ETV6: variants seen among roughly 807,000 people sequenced by gnomAD.
ETV6 encodes the protein ETS variant transcription factor 6.
In ETV6, 16 loss-of-function variants were observed where a neutral mutation model predicts 51.1. The ratio of observed to expected loss-of-function variants is 0.31; its 90% CI spans 0.21 to 0.48. The LOEUF (loss-of-function observed/expected upper bound fraction) is 0.48. Among genes scored for constraint, ETV6 ranks in the 20% least tolerant of loss-of-function variants. ETV6 has a pLI of 0.99. For synonymous variants in ETV6, 240 were observed against 224.1 expected (o/e 1.07, Z -0.64); for missense variants, 458 against 594.8 (o/e 0.77, Z 2.39).
chr12:11,751,775 C>T lies in ETV6; in HGVS notation c.34-675C>T, dbSNP rs542176241. 34 of 461,496 alleles carry T rather than the reference C, an allele frequency of 7.4e-5. No homozygotes were observed. The East Asian group carries it at 9.7e-4, about 13-fold the overall frequency. 28.6% of individuals were successfully genotyped at this position (461,496 alleles called of 1,614,324 possible). On this transcript the variant is annotated intron_variant, in intron 1 of 7. Coordinates refer to ENST00000396373, the MANE Select transcript of ETV6 (RefSeq NM_001987.5). ...AATACTTCAGAGGGAAAGGAAATAT[C>T]GATTCTGAGATGGAGAGTAAAAGAA... is the stretch of plus-strand genomic sequence containing the variant.
At chr12:11,872,198 G>A (rs1007159260) in intron 5 of ETV6, among the ~76,000 whole-genome samples, 1 of 152,212 alleles carries the variant, frequency 6.6e-6, no homozygotes, top group Non-Finnish European at 1.5e-5. Flanking sequence ...AGAGGAAACT[G>A]AGCCCCAGAG....
At chr12:11,687,839 A>C (rs555289322) in intron 1 of ETV6, among the ~76,000 whole-genome samples, 1 of 152,348 alleles carries the variant, frequency 6.6e-6, no homozygotes, top group Admixed American at 6.5e-5. Context: ...ATATGTACTA[A>C]AGGAGTTTAA....
intron 2 of ETV6, among the ~76,000 whole-genome samples, chr12:11,838,413 G>A (rs1021963067): frequency 6.6e-6 from 1 of 152,128 alleles, no homozygotes; most frequent in Admixed American, 6.5e-5. Context: ...CTCAGCCCCT[G>A]CTCTGTACCC....
intron 2 of ETV6, among the ~76,000 whole-genome samples, chr12:11,756,997 T>C (rs1244539051): frequency 2.0e-5 from 3 of 152,342 alleles, no homozygotes; most frequent in South Asian, 4.1e-4. Flanking sequence ...CATTTGGCCT[T>C]CTAAAATCCC....
chr12:11,738,327 TTA>T (rs1555121503), intron 1 of ETV6, among the ~76,000 whole-genome samples: 2,851 of 129,586 alleles, frequency 0.022, 88 homozygotes, highest in South Asian at 0.071. Context: ...TTTTTTTTTT[TTA>T]AATTTGAGAC....
chr12:11,749,290 CACA>C (rs1865970734), intron 1 of ETV6, among the ~76,000 whole-genome samples: 1 of 5,060 alleles, frequency 2.0e-4, no homozygotes, highest in African/African-American at 5.4e-4. Flanking sequence ...CCCCCCCATA[CACA>C]CACACACACA....
chr12:11,700,813 C>T (rs963511706), intron 1 of ETV6, among the ~76,000 whole-genome samples: 15 of 152,014 alleles, frequency 9.9e-5, no homozygotes, highest in Admixed American at 3.9e-4. Context: ...GCGGAGGAGG[C>T]GGGAGGAAAG....
chr12:11,886,008 G>A lies in ETV6; in HGVS notation c.1235G>A (p.Gly412Glu). The change falls in exon 7 of 8, where the codon GGA (glycine) becomes GAA (glutamate). Residue 412 changes from glycine (G) to glutamate (E), a missense_variant. Physicochemically the swap from Gly to Glu is moderately conservative, Grantham distance 98. Transcript: ENST00000396373. ...YKLNIIRKEP[G>E]QRLLFRFMKT... is the part of the protein sequence containing the mutation. ...CTAAACATTATCAGGAAGGAGCCAGGACAAAGGCTTTTGTTCAGGTAGCAC... is the reference window on the plus strand; with the variant it reads ...CTAAACATTATCAGGAAGGAGCCAGAACAAAGGCTTTTGTTCAGGTAGCAC... 6.2e-7 allele frequency: 1 copy of A among 1,613,354 alleles called. No individual in the cohort carries two copies. The highest frequency in any genetic ancestry group is 1.1e-5 in the South Asian group (1 of 91,072).
chr12:11,871,197 CT>C (rs569181747), intron 5 of ETV6, among the ~76,000 whole-genome samples: 7,399 of 138,230 alleles, frequency 0.054, 218 homozygotes, highest in Admixed American at 0.099. Flanking sequence ...GGTACTGTCC[CT>C]TTTTTTTTTT....
chr12:11,860,755 C>T (rs1946704867), intron 4 of ETV6, among the ~76,000 whole-genome samples: 1 of 152,102 alleles, frequency 6.6e-6, no homozygotes, highest in Non-Finnish European at 1.5e-5. Flanking sequence ...CAATTTTAAC[C>T]ATTTTTAGGT....
chr12:11,836,065 A>G (rs540486310), intron 2 of ETV6, among the ~76,000 whole-genome samples: 33 of 152,230 alleles, frequency 2.2e-4, no homozygotes, highest in Non-Finnish European at 4.1e-4. Flanking sequence ...GTAAATGACT[A>G]TTAAGTAAAT....
intron 2 of ETV6, among the ~76,000 whole-genome samples, chr12:11,809,007 A>T (rs1243996283): frequency 6.6e-6 from 1 of 152,124 alleles, no homozygotes; most frequent in African/African-American, 2.4e-5. Flanking sequence ...CTACAAAAAA[A>T]TACAAAAATT....
At chr12:11,795,552 C>A (rs1408140761) in intron 2 of ETV6, among the ~76,000 whole-genome samples, 1 of 152,232 alleles carries the variant, frequency 6.6e-6, no homozygotes, top group African/African-American at 2.4e-5. Context: ...TCCTAAAAAC[C>A]ATTCATGCAG....
At chr12:11,742,261 T>C (rs1399860650) in intron 1 of ETV6, among the ~76,000 whole-genome samples, 2 of 152,224 alleles carry the variant, frequency 1.3e-5, no homozygotes, top group African/African-American at 4.8e-5. Flanking sequence ...TTAATGCTGG[T>C]GGCATTTGCA....
intron 5 of ETV6, among the ~76,000 whole-genome samples, chr12:11,876,814 G>A (rs2723838): frequency 0.95 from 145,228 of 152,244 alleles, 69,626 homozygotes; most frequent in East Asian, 1. Context: ...TCGCTGGTCA[G>A]TTGGGTCATT....
intron 2 of ETV6, among the ~76,000 whole-genome samples, chr12:11,800,249 T>C (rs553298188): frequency 1.7e-3 from 255 of 152,206 alleles, no homozygotes; most frequent in African/African-American, 5.9e-3. Flanking sequence ...TCACCTCCCA[T>C]CCCCATCACA....
intron 1 of ETV6, among the ~76,000 whole-genome samples, chr12:11,750,278 T>C (rs1345029190): frequency 6.6e-6 from 1 of 152,176 alleles, no homozygotes; most frequent in Non-Finnish European, 1.5e-5. Context: ...ATATACACTT[T>C]CAGGGTAATA....
At chr12:11,815,545 T>C (rs944435570) in intron 2 of ETV6, among the ~76,000 whole-genome samples, 1 of 152,236 alleles carries the variant, frequency 6.6e-6, no homozygotes, top group African/African-American at 2.4e-5. Flanking sequence ...GATCAAGCCA[T>C]TTAGCCCCGT....
At chr12:11,775,198 T>C (rs981810594) in intron 2 of ETV6, among the ~76,000 whole-genome samples, 22 of 152,192 alleles carry the variant, frequency 1.4e-4, no homozygotes, top group Non-Finnish European at 2.8e-4. Context: ...TATTGAAGGG[T>C]AAAGCCGATG....
Sources: allele counts gnomAD v4.1 joint callset (sites outside exome capture counted in the v4.1 genomes callset), GRCh38; gene constraint gnomAD v4.1.1; transcripts MANE v1.5; gene names NCBI Gene and HGNC (gene_info 2026-07-23, HGNC 2026-07-21).